NUP210L: variants seen among roughly 807,000 people sequenced by gnomAD.
The protein encoded by NUP210L is nucleoporin 210 like, also known as nuclear pore membrane glycoprotein 210-like.
Under a neutral mutation model 208.5 loss-of-function variants are expected in NUP210L, and 74 were observed. The observed-to-expected ratio is 0.35, with a 90% CI of 0.29 to 0.43. The LOEUF (loss-of-function observed/expected upper bound fraction) is 0.43. Ranked by LOEUF, NUP210L falls within the 20% of genes least tolerant of loss-of-function variation. The pLI, the probability that NUP210L is intolerant of heterozygous loss-of-function variation, is 1.00. For missense variants in NUP210L, 1,843 were observed against 2,289.4 expected (o/e 0.81, Z 3.98); for synonymous variants, 780 against 816.9 (o/e 0.95, Z 0.77).
At chr1:154,084,176 A>T (rs1655506417) in intron 16 of NUP210L, among the ~76,000 whole-genome samples, 1 of 149,588 alleles carries the variant, frequency 6.7e-6, no homozygotes, top group Admixed American at 6.7e-5. Context: ...AGTAGCTGGG[A>T]CTACAGGAGC....
chr1:154,001,592 G>GTT (rs1231653644), intron 36 of NUP210L, 143 bp downstream of exon 36: 19 of 946,440 alleles, frequency 2.0e-5, no homozygotes, highest in Non-Finnish European at 3.0e-5. Flanking sequence ...AAGGAGATGG[G>GTT]TTTTCTTCAT....
intron 29 of NUP210L, among the ~76,000 whole-genome samples, chr1:154,026,378 C>T (rs1448139581): frequency 1.3e-5 from 2 of 152,146 alleles, no homozygotes; most frequent in African/African-American, 4.8e-5. Context: ...GACGGAGTTT[C>T]GCTTTTGTTG....
In NUP210L at chr1:154,025,539, C is replaced by T; in HGVS notation, c.4122+3G>A. Reference sequence around the variant, plus strand: ...GTTTTTTTTAGTAAGTCCATGAACTCACCTGGACCCCAGTTATGGTTGTTT... The same window carrying T: ...GTTTTTTTTAGTAAGTCCATGAACTTACCTGGACCCCAGTTATGGTTGTTT... On this transcript the variant is annotated splice_donor_region_variant and intron_variant, in intron 30 of 39. Coordinates refer to ENST00000368559, the Ensembl canonical transcript of NUP210L. 6.2e-7 allele frequency: 1 copy of T among 1,601,258 alleles called. No homozygotes were observed. The highest frequency in any genetic ancestry group is 8.5e-7 in the Non-Finnish European group (1 of 1,171,544).
At chr1:154,146,805 T>C in intron 2 of NUP210L, among the ~76,000 whole-genome samples, 1 of 151,964 alleles carries the variant, frequency 6.6e-6, no homozygotes, top group Non-Finnish European at 1.5e-5. Context: ...GAGGCAAAGG[T>C]CACTTCTCCT....
In NUP210L at chr1:154,089,707, A is replaced by G; in HGVS notation, c.2188-113T>C. 4 of 823,604 alleles carry G rather than the reference A, an allele frequency of 4.9e-6. No homozygotes were observed. The South Asian group carries it at 6.6e-5, about 14-fold the overall frequency. The allele number at this position is 823,604 out of a possible 1,614,324, so 51.0% of individuals were successfully genotyped here. On this transcript the variant is annotated intron_variant, in intron 15 of 39. Coordinates refer to ENST00000368559, the Ensembl canonical transcript of NUP210L. ...TTCCAGTATAGAGAGTCCCTTTCACATTATAATCCGGCAAATCCCTTAAAG... is the reference window on the plus strand; with the variant it reads ...TTCCAGTATAGAGAGTCCCTTTCACGTTATAATCCGGCAAATCCCTTAAAG...
Position 154,124,602 on chromosome 1 carries a change from T to A in NUP210L, c.1326+1721A>T, listed in dbSNP as rs72696209. On this transcript the variant is annotated intron_variant, in intron 10 of 39. Coordinates refer to ENST00000368559, the Ensembl canonical transcript of NUP210L. ...ATGGAAATAATGGAAACATTCAATG[T>A]TTGGGGCATGGGTAAATAAATTGGC... Among the ~76,000 whole-genome samples, 229 of 152,328 alleles carry A rather than the reference T, an allele frequency of 1.5e-3. 1 individual carries two copies. Among genetic ancestry groups the A allele is most frequent in the Non-Finnish European group, 2.4e-3 (165 of 68,022 alleles).
chr1:153,993,439 G>A (rs936673581), intron 38 of NUP210L, among the ~76,000 whole-genome samples: 1 of 152,084 alleles, frequency 6.6e-6, no homozygotes, highest in Non-Finnish European at 1.5e-5. Flanking sequence ...GTTGGCGGGT[G>A]CCTGTAGTCC....
At chr1:154,107,044 G>C (rs777640850) in intron 12 of NUP210L, among the ~76,000 whole-genome samples, 7 of 152,188 alleles carry the variant, frequency 4.6e-5, no homozygotes, top group Admixed American at 1.3e-4. Flanking sequence ...CAATCCTGGA[G>C]TGACAGAGCT....
At chr1:154,152,465 C>T (rs1659447075) in intron 2 of NUP210L, among the ~76,000 whole-genome samples, 1 of 147,890 alleles carries the variant, frequency 6.8e-6, no homozygotes, top group Admixed American at 7.2e-5. Flanking sequence ...CGAGCCACCG[C>T]CCCCAGCCAT....
chr1:154,038,179 T>C (rs201510269), intron 27 of NUP210L, among the ~76,000 whole-genome samples: 1 of 151,910 alleles, frequency 6.6e-6, no homozygotes, highest in East Asian at 1.9e-4. Flanking sequence ...GTTGCCCAGG[T>C]TGGATTACAG....
chr1:154,003,205 T>C (rs963889204), intron 35 of NUP210L, among the ~76,000 whole-genome samples: 2 of 150,836 alleles, frequency 1.3e-5, no homozygotes, highest in Non-Finnish European at 3.0e-5. Context: ...TTGCTATTAT[T>C]ATTATTTTAT....
intron 33 of NUP210L, among the ~76,000 whole-genome samples, chr1:154,017,749 C>G (rs954621166): frequency 9.2e-5 from 14 of 151,864 alleles, no homozygotes; most frequent in Admixed American, 9.2e-4. Flanking sequence ...AACTTCTGAC[C>G]TTGTGATCCA....
At chr1:154,154,352 T>C (rs1659576928) in intron 1 of NUP210L, among the ~76,000 whole-genome samples, 1 of 152,350 alleles carries the variant, frequency 6.6e-6, no homozygotes, top group East Asian at 1.9e-4. Flanking sequence ...TACTTGGCTG[T>C]TGTGTTTTAA....
At chr1:154,103,944 C>G (rs1212659452) in intron 13 of NUP210L, 68 bp downstream of exon 13, 1 of 1,220,516 alleles carries the variant, frequency 8.2e-7, no homozygotes, top group Admixed American at 2.1e-5. Context: ...AGTAATCTGT[C>G]ACAGTGGTAG....
chr1:154,070,227 A>G, intron 17 of NUP210L, 46 bp downstream of exon 17: 1 of 1,441,892 alleles, frequency 6.9e-7, no homozygotes, highest in South Asian at 1.4e-5. Context: ...CAAACAAACA[A>G]AAAAACACTC....
At chr1:154,097,641 G>A (rs1656240306) in intron 14 of NUP210L, among the ~76,000 whole-genome samples, 1 of 152,110 alleles carries the variant, frequency 6.6e-6, no homozygotes, top group South Asian at 2.1e-4. Flanking sequence ...ATGCAAATTT[G>A]AATGAATAAT....
chr1:154,093,301 G>A (rs1279828125), intron 15 of NUP210L, among the ~76,000 whole-genome samples: 1 of 152,032 alleles, frequency 6.6e-6, no homozygotes, highest in Non-Finnish European at 1.5e-5. Flanking sequence ...GGTGGTGCAT[G>A]CCTGTAATCC....
intron 17 of NUP210L, among the ~76,000 whole-genome samples, chr1:154,066,535 C>T (rs1289975482): frequency 1.3e-5 from 2 of 152,136 alleles, no homozygotes; most frequent in East Asian, 1.9e-4. Context: ...GGTATGAACC[C>T]GGGAGGCGAA....
At chr1:154,114,783 G>C (rs903988905) in intron 12 of NUP210L, among the ~76,000 whole-genome samples, 3 of 151,288 alleles carry the variant, frequency 2.0e-5, no homozygotes, top group East Asian at 3.9e-4. Context: ...AGAGATGGGG[G>C]GGGGGGTCTT....
Sources: gnomAD v4.1 joint callset for allele counts (sites outside exome capture counted in the v4.1 genomes callset) on GRCh38, gnomAD v4.1.1 for gene constraint, MANE v1.5 for transcripts, NCBI Gene and HGNC (gene_info 2026-07-23, HGNC 2026-07-21) for gene names.